Variants in KLHDC4 observed in about 807,000 individuals in gnomAD.
KLHDC4 encodes kelch domain-containing protein 4.
A neutral mutation model predicts 62.4 loss-of-function variants in KLHDC4; 90 were observed. The ratio of observed to expected loss-of-function variants is 1.44; its 90% CI spans 1.22 to 1.72. KLHDC4 has a LOEUF of 1.72. KLHDC4 is among the 40% of genes most tolerant of loss of function. The probability of loss-of-function intolerance (pLI) is 0.00; values close to 1 mark genes in which losing one functional copy is unlikely to be tolerated. For missense variants in KLHDC4, 1,025 were observed against 699.7 expected (o/e 1.47, Z -5.25); for synonymous variants, 386 against 284.4 (o/e 1.36, Z -3.59).
intron 6 of KLHDC4, among the ~76,000 whole-genome samples, chr16:87,728,576 G>T (rs1226841325): frequency 6.6e-6 from 1 of 152,208 alleles, no homozygotes; most frequent in East Asian, 1.9e-4. Context: ...AAGTTCAAAG[G>T]AGGAAGGGGC....
intron 7 of KLHDC4, among the ~76,000 whole-genome samples, chr16:87,717,044 C>T (rs1203387398): frequency 6.6e-6 from 1 of 152,190 alleles, no homozygotes; most frequent in Non-Finnish European, 1.5e-5. Flanking sequence ...CCAGCCTGGG[C>T]AATGGCAAAA....
intron 5 of KLHDC4, among the ~76,000 whole-genome samples, chr16:87,735,800 G>C (rs1458734977): frequency 6.6e-6 from 1 of 152,204 alleles, no homozygotes; most frequent in East Asian, 1.9e-4. Flanking sequence ...TGTCGTGGTG[G>C]CGGCTGCCTC....
At chr16:87,713,628 G>A (rs919349831) in intron 8 of KLHDC4, among the ~76,000 whole-genome samples, 2 of 152,142 alleles carry the variant, frequency 1.3e-5, no homozygotes, top group Admixed American at 1.3e-4. Context: ...GAACTGACGG[G>A]CAGCCACTGG....
At chr16:87,733,590 C>T (rs1349435992) in intron 5 of KLHDC4, among the ~76,000 whole-genome samples, 2 of 151,540 alleles carry the variant, frequency 1.3e-5, no homozygotes, top group Non-Finnish European at 2.9e-5. Flanking sequence ...TGACCTGCCT[C>T]GCCTCCTACT....
rs181567434 is a variant in KLHDC4 at position 87,762,089 on chromosome 16, G to T, written c.100-49C>A. On this transcript the variant is annotated intron_variant, in intron 1 of 11. Coordinates refer to ENST00000270583, the MANE Select transcript of KLHDC4 (RefSeq NM_017566.4). ...GTGAGACTTATTCCCAGGACCCGCCGCGGAGCCACAGCCCGCTCAGCTTTC... is the reference window on the plus strand; with the variant it reads ...GTGAGACTTATTCCCAGGACCCGCCTCGGAGCCACAGCCCGCTCAGCTTTC... The T allele has an allele frequency of 1.1e-5, 17 of 1,601,486 alleles. No homozygotes were observed. In the African/African-American group the frequency reaches 1.2e-4, roughly 11 times the overall value.
Position 87,765,855 on chromosome 16 carries a change from G to T in KLHDC4, c.36C>A (p.Arg12=). 1 of 1,553,670 alleles carries T rather than the reference G, an allele frequency of 6.4e-7. No homozygotes were observed. The highest frequency in any genetic ancestry group is 2.0e-5 in the Admixed American group (1 of 51,080). Residue 12 remains arginine (R), a synonymous_variant, in exon 1 of 12, where the codon CGC becomes CGA. Coordinates refer to ENST00000270583, the MANE Select transcript of KLHDC4 (RefSeq NM_017566.4). The part of the protein sequence containing the change: ...GKKGKKEKKG[R]GAEKTAAKME... ...TCTTGGCGGCCGTCTTCTCCGCGCC[G>T]CGGCCCTTCTTCTCCTTCTTGCCCT... is the stretch of plus-strand genomic sequence containing the variant.
chr16:87,752,145 G>A (rs1384976464), intron 4 of KLHDC4, among the ~76,000 whole-genome samples: 6 of 140,634 alleles, frequency 4.3e-5, no homozygotes, highest in African/African-American at 1.1e-4. Context: ...AGTGGCTCAC[G>A]CCTGTAATCC....
At chr16:87,712,152 G>A (rs1283151486) in intron 8 of KLHDC4, among the ~76,000 whole-genome samples, 1 of 152,210 alleles carries the variant, frequency 6.6e-6, no homozygotes, top group African/African-American at 2.4e-5. Context: ...ACTTCAGGAA[G>A]GGTCTATGTT....
At position 87,708,413 on chromosome 16, in the gene KLHDC4, C is replaced by T. The variant is rs2035075711; in HGVS notation, c.1501G>A (p.Glu501Lys). The change falls in exon 11 of 12, where the codon GAG becomes AAG. Residue 501 changes from glutamate to lysine, a missense_variant. By Grantham distance (56) the Glu-to-Lys change is moderately conservative (BLOSUM62 1). Coordinates refer to ENST00000270583, the MANE Select transcript of KLHDC4 (RefSeq NM_017566.4). ...TDSEEDSEEV[E>K]GAEGGVDDED... ...TCGTCGACCCCACCCTCGGCGCCCT[C>T]AACCTCCTCACTGTCCTCTTCCGAG... is the stretch of plus-strand genomic sequence containing the variant. 6.2e-7 allele frequency: 1 copy of T among 1,612,168 alleles called. No homozygotes were observed. Among genetic ancestry groups the T allele is most frequent in the African/African-American group, 1.3e-5 (1 of 74,912 alleles).
intron 6 of KLHDC4, among the ~76,000 whole-genome samples, chr16:87,729,624 G>C (rs1312637309): frequency 6.6e-6 from 1 of 152,244 alleles, no homozygotes. Context: ...CTAAAACAAT[G>C]AGAGAGCCCG....
intron 7 of KLHDC4, among the ~76,000 whole-genome samples, chr16:87,720,168 GC>G (rs2142993682): frequency 6.6e-6 from 1 of 152,322 alleles, no homozygotes; most frequent in East Asian, 1.9e-4. Flanking sequence ...ACCAGCTCAG[GC>G]CAGGTCACAG....
chr16:87,747,981 A>G (rs1398202436), intron 5 of KLHDC4, among the ~76,000 whole-genome samples: 5 of 152,366 alleles, frequency 3.3e-5, no homozygotes, highest in Middle Eastern at 3.4e-3. Flanking sequence ...TCATGGCCGC[A>G]GCAATCGAGC....
chr16:87,765,373 A>G, intron 1 of KLHDC4: 1 of 465,100 alleles, frequency 2.2e-6, no homozygotes, highest in Non-Finnish European at 4.3e-6. Context: ...CAGAAAAGTT[A>G]AGAGTCTTAC....
chr16:87,745,614 C>A (rs1274508222), intron 5 of KLHDC4, among the ~76,000 whole-genome samples: 19 of 152,234 alleles, frequency 1.2e-4, no homozygotes, highest in Non-Finnish European at 2.9e-5. Flanking sequence ...GGAGCTGGTA[C>A]ACAACAGACT....
intron 1 of KLHDC4, among the ~76,000 whole-genome samples, chr16:87,762,376 C>A (rs183232139): frequency 3.9e-5 from 6 of 152,140 alleles, no homozygotes; most frequent in Non-Finnish European, 8.8e-5. Flanking sequence ...CTCGAGCCGT[C>A]GCACCTGCCA....
At chr16:87,756,357 C>T in intron 3 of KLHDC4, 42 bp downstream of exon 3, 1 of 1,396,440 alleles carries the variant, frequency 7.2e-7, no homozygotes, top group Non-Finnish European at 1.0e-6. Flanking sequence ...TCAAATGATA[C>T]TCACGCAACA....
At chr16:87,741,024 T>G (rs1205566048) in intron 5 of KLHDC4, 4 of 152,156 alleles carry the variant, frequency 2.6e-5, no homozygotes, top group Non-Finnish European at 5.9e-5. Flanking sequence ...ACGTGAGTTT[T>G]GGTCTTGAGG....
rs535390773 is a variant in KLHDC4, at chr16:87,717,610, G to C, written c.760-3037C>G. ...ATGCAGTTTCTGCACATTACAGACAGTGATTGAGACTAGTCTCTTTTTGTA... is the reference window on the plus strand; with the variant it reads ...ATGCAGTTTCTGCACATTACAGACACTGATTGAGACTAGTCTCTTTTTGTA... On this transcript the variant is annotated intron_variant, in intron 7 of 11. Coordinates refer to ENST00000270583, the MANE Select transcript of KLHDC4 (RefSeq NM_017566.4). Among the ~76,000 whole-genome samples the C allele has an allele frequency of 5.1e-4, 78 of 152,332 alleles. 1 individual carries two copies. Among genetic ancestry groups the C allele is most frequent in the African/African-American group, 1.8e-3 (75 of 41,566 alleles).
chr16:87,740,401 C>A (rs2042061833), intron 5 of KLHDC4, among the ~76,000 whole-genome samples: 1 of 152,120 alleles, frequency 6.6e-6, no homozygotes, highest in Non-Finnish European at 1.5e-5. Context: ...GAGGGGAAAC[C>A]CTACTTTGGG....
Sources: gnomAD v4.1 joint callset for allele counts (sites outside exome capture counted in the v4.1 genomes callset) on GRCh38, gnomAD v4.1.1 for gene constraint, MANE v1.5 for transcripts, NCBI Gene and HGNC (gene_info 2026-07-23, HGNC 2026-07-21) for gene names.